The following SMG6 variants were observed in gnomAD, a reference collection of about 807,000 sequenced individuals.
SMG6 encodes the protein telomerase-binding protein EST1A.
A neutral mutation model predicts 142.2 loss-of-function variants in SMG6; 66 were observed. The observed-to-expected ratio is 0.46, with a 90% CI of 0.38 to 0.57. The LOEUF (loss-of-function observed/expected upper bound fraction) is 0.57, where lower values mean the gene tolerates loss of function less well. SMG6 is among the 20% of genes least tolerant of loss of function. SMG6 has a pLI of 0.00. For synonymous variants in SMG6, 779 were observed against 702.4 expected (o/e 1.11, Z -1.72); for missense variants, 1,793 against 1,832.0 (o/e 0.98, Z 0.39).
At chr17:2,136,823 T>G (rs1481586280) in intron 13 of SMG6, among the ~76,000 whole-genome samples, 3 of 151,764 alleles carry the variant, frequency 2.0e-5, no homozygotes, top group Non-Finnish European at 2.9e-5. Context: ...TTCTTTTTAT[T>G]AAATAAAACA....
At chr17:2,089,329 A>G (rs2151443574) in intron 13 of SMG6, among the ~76,000 whole-genome samples, 1 of 152,172 alleles carries the variant, frequency 6.6e-6, no homozygotes, top group South Asian at 2.1e-4. Flanking sequence ...CTGGGGATAG[A>G]GGCGACTAAA....
intron 8 of SMG6, among the ~76,000 whole-genome samples, chr17:2,265,194 G>A (rs1053032699): frequency 2.0e-5 from 3 of 152,122 alleles, no homozygotes; most frequent in Admixed American, 1.3e-4. Flanking sequence ...AGCCAGGAAC[G>A]CTAAACATCC....
chr17:2,144,314 G>A (rs1196663687), intron 13 of SMG6, among the ~76,000 whole-genome samples: 2 of 152,052 alleles, frequency 1.3e-5, no homozygotes, highest in East Asian at 3.9e-4. Context: ...TGATCTGCCC[G>A]CCTCGGCCTC....
chr17:2,185,436 A>G (rs1436534934), intron 12 of SMG6, among the ~76,000 whole-genome samples: 3 of 152,186 alleles, frequency 2.0e-5, no homozygotes, highest in African/African-American at 7.2e-5. Context: ...TGTAAATGTA[A>G]TTTATGTCAC....
chr17:2,264,461 G>C (rs889528931), intron 8 of SMG6, among the ~76,000 whole-genome samples: 5 of 152,170 alleles, frequency 3.3e-5, no homozygotes, highest in Admixed American at 2.0e-4. Context: ...AAATCATCTG[G>C]ATATTAAGGC....
chr17:2,140,480 G>A (rs1195301148), intron 13 of SMG6, among the ~76,000 whole-genome samples: 1 of 152,106 alleles, frequency 6.6e-6, no homozygotes, highest in Admixed American at 6.6e-5. Context: ...GACCATCCTG[G>A]CTAGCATGGT....
intron 10 of SMG6, among the ~76,000 whole-genome samples, chr17:2,211,117 GA>G: frequency 9.0e-6 from 1 of 110,584 alleles, no homozygotes; most frequent in East Asian, 2.4e-4. Context: ...AAAAAAAATA[GA>G]AAAAAGATAC....
intron 9 of SMG6, among the ~76,000 whole-genome samples, chr17:2,238,834 T>C (rs747441851): frequency 1.3e-5 from 2 of 152,200 alleles, no homozygotes; most frequent in African/African-American, 2.4e-5. Flanking sequence ...TTAAAAAAAA[T>C]TCTCCCTTTG....
At chr17:2,190,132 C>A (rs2072114587) in intron 10 of SMG6, among the ~76,000 whole-genome samples, 1 of 152,190 alleles carries the variant, frequency 6.6e-6, no homozygotes, top group Non-Finnish European at 1.5e-5. Flanking sequence ...CTCCCCTTCA[C>A]CCTCCCCATA....
rs2067774434 is a variant in SMG6, at chr17:2,061,475, G to GA, written c.*16_*17insT. 4 of 1,565,204 alleles carry GA rather than the reference G, an allele frequency of 2.6e-6. No homozygotes were observed. The highest frequency in any genetic ancestry group is 2.3e-5 in the East Asian group (1 of 42,590). ...TCAGGAACGGTTCCACGGGGGGGGG[G>GA]CCCCAGTGTGGCTCCCTCAGCCCAC... On this transcript the variant is annotated 3_prime_UTR_variant, in exon 19 of 19. Coordinates refer to ENST00000263073, the MANE Select transcript of SMG6 (RefSeq NM_017575.5).
At chr17:2,157,113 A>G (rs8082485) in intron 13 of SMG6, among the ~76,000 whole-genome samples, 54,491 of 152,042 alleles carry the variant, frequency 0.36, 10,469 homozygotes, top group African/African-American at 0.5. Context: ...GGGCTGAAGT[A>G]CCTTCTTCAA....
intron 10 of SMG6, among the ~76,000 whole-genome samples, chr17:2,214,779 C>A (rs2072965151): frequency 6.6e-6 from 1 of 152,184 alleles, no homozygotes; most frequent in Non-Finnish European, 1.5e-5. Context: ...AACAGAGATA[C>A]CGCTGTCGAA....
chr17:2,081,579 G>A (rs1237104803), intron 15 of SMG6, among the ~76,000 whole-genome samples: 1 of 152,202 alleles, frequency 6.6e-6, no homozygotes, highest in Non-Finnish European at 1.5e-5. Flanking sequence ...TTTTCTCAGA[G>A]TCTCTGAGAA....
At chr17:2,266,749 G>C (rs894324769) in intron 8 of SMG6, among the ~76,000 whole-genome samples, 1 of 152,168 alleles carries the variant, frequency 6.6e-6, no homozygotes, top group Non-Finnish European at 1.5e-5. Flanking sequence ...GTCATTTGGG[G>C]CATTAAGGGT....
intron 13 of SMG6, among the ~76,000 whole-genome samples, chr17:2,172,025 G>C (rs1489870294): frequency 6.6e-6 from 1 of 152,128 alleles, no homozygotes; most frequent in African/African-American, 2.4e-5. Context: ...AAACCCAACT[G>C]ATAAGCAGAG....
At chr17:2,077,914 T>C (rs887789997) in intron 15 of SMG6, among the ~76,000 whole-genome samples, 5 of 152,116 alleles carry the variant, frequency 3.3e-5, no homozygotes, top group Non-Finnish European at 7.4e-5. Context: ...TAAGGGTTCA[T>C]GAGGGATGGG....
chr17:2,135,541 A>G (rs1413629944), intron 13 of SMG6, among the ~76,000 whole-genome samples: 1 of 152,174 alleles, frequency 6.6e-6, no homozygotes, highest in African/African-American at 2.4e-5. Flanking sequence ...AAAGCTGTCT[A>G]AGAGAACCTT....
At chr17:2,227,006 G>A (rs1043399604) in intron 10 of SMG6, among the ~76,000 whole-genome samples, 1 of 152,140 alleles carries the variant, frequency 6.6e-6, no homozygotes, top group Non-Finnish European at 1.5e-5. Context: ...TTAGTTATTA[G>A]AGAAACACAA....
intron 17 of SMG6, 127 bp downstream of exon 17, chr17:2,065,341 C>T (rs192112736): frequency 1.9e-5 from 19 of 1,024,964 alleles, no homozygotes; most frequent in South Asian, 5.8e-5. Flanking sequence ...GGAACTCCCC[C>T]ACCTGGGCCT....
Sources: allele counts gnomAD v4.1 joint callset (sites outside exome capture counted in the v4.1 genomes callset), GRCh38; gene constraint gnomAD v4.1.1; transcripts MANE v1.5; gene names NCBI Gene and HGNC (gene_info 2026-07-23, HGNC 2026-07-21).